The following TRAPPC9 variants were observed in gnomAD, a reference collection of about 807,000 sequenced individuals.
TRAPPC9 encodes trafficking protein particle complex subunit 9.
In TRAPPC9, 83 loss-of-function variants were observed where a neutral mutation model predicts 124.0. That is an observed-to-expected ratio of 0.67 (90% CI 0.56 to 0.80). The LOEUF (loss-of-function observed/expected upper bound fraction) is 0.80. Among genes scored for constraint, TRAPPC9 ranks in the 30% least tolerant of loss-of-function variants. TRAPPC9 has a pLI of 0.00. For missense variants in TRAPPC9, 1,302 were observed against 1,508.3 expected, an observed-to-expected ratio of 0.86 and a Z score of 2.27; for synonymous variants, 638 against 617.5, an observed-to-expected ratio of 1.03 and a Z score of -0.49.
chr8:139,860,748 T>G (rs530825394), intron 21 of TRAPPC9, among the ~76,000 whole-genome samples: 1 of 152,234 alleles, frequency 6.6e-6, no homozygotes, highest in South Asian at 2.1e-4. Context: ...CACAGACCAA[T>G]GCCTGTCGCC....
chr8:139,785,904 T>A (rs1019788922), intron 21 of TRAPPC9, among the ~76,000 whole-genome samples: 3 of 151,222 alleles, frequency 2.0e-5, no homozygotes, highest in Non-Finnish European at 4.4e-5. Flanking sequence ...TCTCAAATGT[T>A]ACTAATAAGA....
chr8:139,798,991 G>A (rs1478341434), intron 21 of TRAPPC9, among the ~76,000 whole-genome samples: 5 of 152,062 alleles, frequency 3.3e-5, no homozygotes, highest in Admixed American at 3.3e-4. Context: ...TCCAATCGTG[G>A]CCTCCTACTC....
intron 21 of TRAPPC9, among the ~76,000 whole-genome samples, chr8:139,817,590 C>T (rs1011192076): frequency 3.3e-5 from 5 of 152,262 alleles, no homozygotes; most frequent in East Asian, 3.8e-4. Flanking sequence ...ACCCCTTACC[C>T]GTGGATGCGT....
At chr8:140,223,980 T>C (rs1416268740) in intron 16 of TRAPPC9, among the ~76,000 whole-genome samples, 1 of 152,248 alleles carries the variant, frequency 6.6e-6, no homozygotes, top group African/African-American at 2.4e-5. Context: ...TCAGACATTG[T>C]GCATCTACAA....
intron 21 of TRAPPC9, among the ~76,000 whole-genome samples, chr8:139,879,895 T>TCAGGGCACTCGGCCAACTTGG (rs1192537012): frequency 1.3e-5 from 2 of 152,152 alleles, no homozygotes; most frequent in Non-Finnish European, 2.9e-5. Context: ...AAGTAACTGC[T>TCAGGGCACTCGGCCAACTTGG]CAGGGCACTC....
chr8:140,374,508 T>C (rs1317940151), intron 7 of TRAPPC9, among the ~76,000 whole-genome samples: 10 of 151,402 alleles, frequency 6.6e-5, no homozygotes, highest in Admixed American at 5.9e-4. Context: ...AGGCGGAGGT[T>C]GCAGTGAGCC....
intron 5 of TRAPPC9, among the ~76,000 whole-genome samples, chr8:140,414,785 A>C (rs2069843558): frequency 6.6e-6 from 1 of 151,870 alleles, no homozygotes; most frequent in South Asian, 2.1e-4. Context: ...TCTGTCCCCC[A>C]GTCTGGAGTG....
rs1020703286 is a variant in TRAPPC9, at chr8:139,776,466, C to T, written c.3056-44264G>A. On this transcript the variant is annotated intron_variant, in intron 21 of 22. Transcript: ENST00000438773. The surrounding 1 kb of genome is among the most constrained non-coding windows in gnomAD (Gnocchi z 4.1). ...ATGCTCATCACCCAGGGGTTAGCGT[C>T]GCTTGTTTACACAGGTGATGCATCT... 4.6e-5 allele frequency among the ~76,000 whole-genome samples: 7 copies of T among 152,232 alleles called. 1 individual carries two copies. Among genetic ancestry groups the T allele is most frequent in the African/African-American group, 9.6e-5 (4 of 41,470 alleles).
chr8:139,787,688 G>T (rs768195040), intron 21 of TRAPPC9, among the ~76,000 whole-genome samples: 54 of 152,164 alleles, frequency 3.5e-4, no homozygotes, highest in Non-Finnish European at 4.7e-4. Context: ...TAAATTTATT[G>T]TTCAAGCTAA....
In TRAPPC9 at chr8:140,290,187, G is replaced by A. The variant is rs577679687; in HGVS notation, c.1854+806C>T. Among the ~76,000 whole-genome samples, 12 of 152,270 alleles carry A rather than the reference G, an allele frequency of 7.9e-5. No homozygotes were observed. In the South Asian group the frequency reaches 2.1e-3, roughly 26 times the overall value. ...CCCCTCAGGGCCTTGCCTGGGGACC[G>A]ACACGTGGCAAGAGCACTCAGCGAG... On this transcript the variant is annotated intron_variant, in intron 12 of 22. Coordinates refer to ENST00000438773, the MANE Select transcript of TRAPPC9 (RefSeq NM_001160372.4).
intron 17 of TRAPPC9, among the ~76,000 whole-genome samples, chr8:140,172,734 C>T (rs2061990750): frequency 6.6e-6 from 1 of 152,190 alleles, no homozygotes. Flanking sequence ...GCAGCAATAA[C>T]ATTACCTATT....
intron 17 of TRAPPC9, among the ~76,000 whole-genome samples, chr8:140,056,444 C>T (rs550223114): frequency 5.9e-5 from 9 of 151,288 alleles, no homozygotes; most frequent in African/African-American, 2.2e-4. Flanking sequence ...ACAACAAAAA[C>T]CTAGCATGGT....
intron 19 of TRAPPC9, among the ~76,000 whole-genome samples, chr8:139,938,709 A>G (rs1176649259): frequency 6.7e-6 from 1 of 149,124 alleles, no homozygotes; most frequent in Non-Finnish European, 1.5e-5. Context: ...GCAGTGGCGC[A>G]ATCTCGGCTC....
At chr8:139,876,150 T>G (rs759265216) in intron 21 of TRAPPC9, among the ~76,000 whole-genome samples, 1 of 152,224 alleles carries the variant, frequency 6.6e-6, no homozygotes, top group Non-Finnish European at 1.5e-5. Flanking sequence ...CACAATTTGA[T>G]GAAAGGGCAC....
chr8:140,266,633 T>C (rs1226196147), intron 15 of TRAPPC9, among the ~76,000 whole-genome samples: 1 of 151,250 alleles, frequency 6.6e-6, no homozygotes, highest in Non-Finnish European at 1.5e-5. Context: ...CCAAGGCGGG[T>C]GGATTACGAG....
chr8:140,042,205 A>ATGTGTGTGTGTG (rs57584807), intron 17 of TRAPPC9, among the ~76,000 whole-genome samples: 1 of 149,498 alleles, frequency 6.7e-6, no homozygotes, highest in Non-Finnish European at 1.5e-5. Flanking sequence ...AAAAAAGTGT[A>ATGTGTGTGTGTG]TGTGTGTGTG....
Position 140,352,889 on chromosome 8 carries a change from T to A in TRAPPC9, c.1495+7161A>T, listed in dbSNP as rs569760840. Among the ~76,000 whole-genome samples the A allele has an allele frequency of 1.1e-4, 16 of 152,286 alleles. No individual in the cohort carries two copies. In the East Asian group the frequency reaches 2.7e-3, roughly 26 times the overall value. ...CTTGAGCAAAAGAACCACTAATGTC[T>A]GACCAAGGAGCTGGCGTCCAGGTCC... On this transcript the variant is annotated intron_variant, in intron 9 of 22. Coordinates refer to ENST00000438773, the MANE Select transcript of TRAPPC9 (RefSeq NM_001160372.4).
At chr8:139,946,115 G>T (rs113945121) in intron 19 of TRAPPC9, among the ~76,000 whole-genome samples, 126 of 152,290 alleles carry the variant, frequency 8.3e-4, no homozygotes, top group Non-Finnish European at 1.6e-4. Context: ...TGGATATGCG[G>T]AATTTTCCAA....
rs192620497 is a variant in TRAPPC9 at position 140,012,102 on chromosome 8, G to A, written c.2699+11835C>T. 1.4e-3 allele frequency among the ~76,000 whole-genome samples: 218 copies of A among 152,286 alleles called. 1 individual carries two copies. Among genetic ancestry groups the A allele is most frequent in the Middle Eastern group, 6.8e-3 (2 of 294 alleles). Reference sequence around the variant, plus strand: ...TGGGACTGCAGGCGTGAGCCACCGCGCCCGGCCAGGCATACATTTTGTATA... The same window carrying A: ...TGGGACTGCAGGCGTGAGCCACCGCACCCGGCCAGGCATACATTTTGTATA... On this transcript the variant is annotated intron_variant, in intron 18 of 22. Coordinates refer to ENST00000438773, the MANE Select transcript of TRAPPC9 (RefSeq NM_001160372.4).
Sources: gnomAD v4.1 joint callset for allele counts (sites outside exome capture counted in the v4.1 genomes callset) on GRCh38, gnomAD v4.1.1 for gene constraint, Gnocchi (gnomAD v3.1) non-coding constraint, MANE v1.5 for transcripts, NCBI Gene and HGNC (gene_info 2026-07-23, HGNC 2026-07-21) for gene names.